The following MAP3K20 variants were observed in gnomAD, a reference collection of about 807,000 sequenced individuals.
The protein encoded by MAP3K20 is HCCS-4.
In MAP3K20, 40 loss-of-function variants were observed where a neutral mutation model predicts 85.7. The ratio of observed to expected loss-of-function variants is 0.47; its 90% confidence interval spans 0.36 to 0.61. The LOEUF (loss-of-function observed/expected upper bound fraction) is 0.61. MAP3K20 is among the 20% of genes least tolerant of loss of function. MAP3K20 has a pLI of 0.00. For missense variants in MAP3K20, 817 were observed against 961.7 expected (o/e 0.85, Z 1.99); for synonymous variants, 325 against 327.7 (o/e 0.99, Z 0.09).
intron 16 of MAP3K20, among the ~76,000 whole-genome samples, chr2:173,253,266 AT>A (rs1462069774): frequency 6.6e-6 from 1 of 152,166 alleles, no homozygotes; most frequent in Non-Finnish European, 1.5e-5. Flanking sequence ...AATAATGATA[AT>A]TATTCCTTTT....
intron 17 of MAP3K20, among the ~76,000 whole-genome samples, chr2:173,259,052 T>C (rs533945458): frequency 6.6e-6 from 1 of 152,346 alleles, no homozygotes; most frequent in African/African-American, 2.4e-5. Flanking sequence ...GTTTAATTTT[T>C]TTTTAATTTT....
intron 16 of MAP3K20, among the ~76,000 whole-genome samples, chr2:173,247,784 T>G (rs1185319712): frequency 6.6e-6 from 1 of 152,190 alleles, no homozygotes; most frequent in Non-Finnish European, 1.5e-5. Context: ...TAGGTTGTGG[T>G]GATGGTCTCA....
At chr2:173,184,046 G>T (rs1295594310) in intron 4 of MAP3K20, among the ~76,000 whole-genome samples, 3 of 152,140 alleles carry the variant, frequency 2.0e-5, no homozygotes, top group Admixed American at 1.3e-4. Flanking sequence ...GTTTAGGGTG[G>T]TGTACCTGAG....
At position 173,203,688 on chromosome 2, in the gene MAP3K20, C is replaced by T. The variant is rs1193294798; in HGVS notation, c.670-108C>T. Reference sequence around the variant, plus strand: ...TCAATGGAAGCTTTAAATTTCATGCCTTATGTTCTTAAAATAACTCTATTA... The same window carrying T: ...TCAATGGAAGCTTTAAATTTCATGCTTTATGTTCTTAAAATAACTCTATTA... On this transcript the variant is annotated intron_variant, in intron 8 of 19. Transcript: ENST00000375213. The T allele has an allele frequency of 6.0e-6, 5 of 835,866 alleles. No homozygotes were observed. In the African/African-American group the frequency reaches 8.5e-5, roughly 14 times the overall value. The allele number at this position is 835,866 out of a possible 1,614,324, so 51.8% of individuals were successfully genotyped here.
intron 18 of MAP3K20, among the ~76,000 whole-genome samples, chr2:173,262,189 T>C (rs757240640): frequency 6.6e-5 from 10 of 152,200 alleles, no homozygotes; most frequent in Non-Finnish European, 1.3e-4. Context: ...CTTCCCTGGC[T>C]ACCCTGTTAG....
At chr2:173,103,002 G>A (rs1038750295) in intron 2 of MAP3K20, among the ~76,000 whole-genome samples, 2 of 151,796 alleles carry the variant, frequency 1.3e-5, no homozygotes, top group African/African-American at 4.8e-5. Flanking sequence ...GCAGTGAGCC[G>A]AGATCGCACC....
intron 3 of MAP3K20, among the ~76,000 whole-genome samples, chr2:173,171,954 T>C (rs1490591954): frequency 6.6e-6 from 1 of 152,214 alleles, no homozygotes; most frequent in Non-Finnish European, 1.5e-5. Flanking sequence ...TTTGAATGTA[T>C]TGATTTGATA....
At chr2:173,126,818 G>A (rs1294343514) in intron 2 of MAP3K20, among the ~76,000 whole-genome samples, 1 of 152,238 alleles carries the variant, frequency 6.6e-6, no homozygotes, top group Non-Finnish European at 1.5e-5. Flanking sequence ...CGAAAAGCAA[G>A]CCAGACATTC....
chr2:173,215,838 T>C (rs1684056466), intron 10 of MAP3K20: 1 of 152,212 alleles, frequency 6.6e-6, no homozygotes, highest in Non-Finnish European at 1.5e-5. Context: ...TTATTCTCCC[T>C]AGAAAGAAAA....
At chr2:173,199,397 G>A (rs1690960254) in intron 8 of MAP3K20, among the ~76,000 whole-genome samples, 1 of 152,230 alleles carries the variant, frequency 6.6e-6, no homozygotes, top group Admixed American at 6.5e-5. Flanking sequence ...TTTCACAGGA[G>A]CTGTTCTGTT....
At chr2:173,183,365 C>G (rs554000397) in intron 4 of MAP3K20, among the ~76,000 whole-genome samples, 3 of 152,202 alleles carry the variant, frequency 2.0e-5, no homozygotes, top group Non-Finnish European at 4.4e-5. Flanking sequence ...ATTTTGTATA[C>G]ATAATATGCT....
intron 2 of MAP3K20, among the ~76,000 whole-genome samples, chr2:173,105,688 A>G (rs1417472374): frequency 6.6e-6 from 1 of 152,222 alleles, no homozygotes; most frequent in African/African-American, 2.4e-5. Context: ...AATTCCACTT[A>G]TATGAGGTAC....
Position 173,224,487 on chromosome 2 carries a change from T to C in MAP3K20, c.988-5202T>C, listed in dbSNP as rs922955558. The C allele has an allele frequency of 1.2e-5, 12 of 985,294 alleles. No individual in the cohort carries two copies. The Admixed American group carries it at 2.5e-4, about 20-fold the overall frequency. 61.0% of individuals were successfully genotyped at this position (985,294 alleles called of 1,614,324 possible). A position where few individuals can be genotyped will look rare whatever the true frequency, so the allele number is the denominator to read the frequency against. On this transcript the variant is annotated intron_variant, in intron 11 of 19. Coordinates refer to ENST00000375213, the MANE Select transcript of MAP3K20 (RefSeq NM_016653.3). Reference sequence around the variant, plus strand: ...CAGGACTCTGTACTGGACCTAACTTTATCATTAATTAGGTAATATTTTCCT... The same window carrying C: ...CAGGACTCTGTACTGGACCTAACTTCATCATTAATTAGGTAATATTTTCCT...
At chr2:173,260,519 A>G (rs753584885) in intron 17 of MAP3K20, among the ~76,000 whole-genome samples, 1 of 145,782 alleles carries the variant, frequency 6.9e-6, no homozygotes, top group Non-Finnish European at 1.5e-5. Flanking sequence ...TAATTAAAAT[A>G]GGATCAAAGC....
chr2:173,142,867 A>G (rs1271536061), intron 2 of MAP3K20, among the ~76,000 whole-genome samples: 1 of 152,130 alleles, frequency 6.6e-6, no homozygotes, highest in Non-Finnish European at 1.5e-5. Flanking sequence ...GGCTGGATGA[A>G]AAAGCAAGAT....
intron 11 of MAP3K20, among the ~76,000 whole-genome samples, chr2:173,227,590 G>A (rs901831139): frequency 2.0e-5 from 3 of 152,260 alleles, no homozygotes; most frequent in South Asian, 4.2e-4. Flanking sequence ...CCTAGGCATC[G>A]TATTGGAGAA....
Position 173,267,006 on chromosome 2 carries a change from G to T in MAP3K20, c.*256G>T, listed in dbSNP as rs1288420591. The T allele has an allele frequency of 1.4e-5, 4 of 292,774 alleles. No homozygotes were observed. The highest frequency in any genetic ancestry group is 2.5e-5 in the Non-Finnish European group (4 of 159,360). 18.1% of individuals were successfully genotyped at this position (292,774 alleles called of 1,614,324 possible). A position where few individuals can be genotyped will look rare whatever the true frequency, so the allele number is the denominator to read the frequency against. ...CTGCCTTGAGTGAACATTTTTAGAG[G>T]AAAGGTTATGCCATCTTTTTACCCT... On this transcript the variant is annotated 3_prime_UTR_variant, in exon 20 of 20. Coordinates refer to ENST00000375213, the MANE Select transcript of MAP3K20 (RefSeq NM_016653.3).
At chr2:173,191,956 G>T (rs1474626838) in intron 7 of MAP3K20, among the ~76,000 whole-genome samples, 1 of 152,144 alleles carries the variant, frequency 6.6e-6, no homozygotes. Flanking sequence ...TTCTTTGCTG[G>T]AGGAAGGAAT....
At chr2:173,169,779 A>C (rs748880185) in intron 2 of MAP3K20, 26 bp from the exon 3 acceptor site, 1 of 1,598,890 alleles carries the variant, frequency 6.3e-7, no homozygotes, top group Admixed American at 1.7e-5. Flanking sequence ...AATGTTATGC[A>C]ACTTTGCATT....
Sources: allele counts gnomAD v4.1 joint callset (sites outside exome capture counted in the v4.1 genomes callset), GRCh38; gene constraint gnomAD v4.1.1; transcripts MANE v1.5; gene names NCBI Gene and HGNC (gene_info 2026-07-23, HGNC 2026-07-21).